SCHIP1: variants seen among roughly 807,000 people sequenced by gnomAD.
SCHIP1 encodes schwannomin interacting protein 1, also known as schwannomin-interacting protein 1.
Under a neutral mutation model 29.7 loss-of-function variants are expected in SCHIP1, and 8 were observed. The observed-to-expected ratio is 0.27, with a 90% CI of 0.16 to 0.49. The LOEUF is 0.49. Ranked by LOEUF, SCHIP1 falls within the 20% of genes least tolerant of loss-of-function variation. The pLI, the probability that SCHIP1 is intolerant of heterozygous loss-of-function variation, is 0.99. For synonymous variants in SCHIP1, 76 were observed against 94.9 expected, an observed-to-expected ratio of 0.80 and a Z score of 1.16; for missense variants, 193 against 294.6, an observed-to-expected ratio of 0.66 and a Z score of 2.52.
At chr3:159,609,731 C>T in the SCHIP1 span, among the ~76,000 whole-genome samples, 2 of 152,156 alleles carry the variant, frequency 1.3e-5, no homozygotes, top group African/African-American at 2.4e-5. Flanking sequence ...GAGCCCTGGA[C>T]GACTCGCCTC....
At chr3:159,292,180 G>T in the SCHIP1 span, among the ~76,000 whole-genome samples, 1 of 152,138 alleles carries the variant, frequency 6.6e-6, no homozygotes, top group South Asian at 2.1e-4. Context: ...AAAAATAGTT[G>T]AGAAGGAAGA....
the SCHIP1 span, among the ~76,000 whole-genome samples, chr3:159,654,106 T>G: frequency 2.0e-5 from 3 of 152,180 alleles, no homozygotes; most frequent in Non-Finnish European, 4.4e-5. Context: ...TACAAATAAT[T>G]AGGAAGATAT....
the SCHIP1 span, among the ~76,000 whole-genome samples, chr3:159,369,803 T>C: frequency 3.3e-5 from 5 of 152,158 alleles, no homozygotes; most frequent in African/African-American, 1.2e-4. Context: ...GTTGAGGTTA[T>C]CTAGTTAAAA....
At chr3:159,465,485 G>A in the SCHIP1 span, among the ~76,000 whole-genome samples, 2 of 151,964 alleles carry the variant, frequency 1.3e-5, no homozygotes, top group African/African-American at 4.8e-5. Context: ...GATAATATGT[G>A]GCTATGTGGT....
At chr3:159,303,616 C>T in the SCHIP1 span, among the ~76,000 whole-genome samples, 1,120 of 151,940 alleles carry the variant, frequency 7.4e-3, 13 homozygotes, top group African/African-American at 0.026. Flanking sequence ...ACCTACTGAG[C>T]GGTGGATTGA....
At chr3:159,896,679 ATC>A (rs1560101302) in intron 6 of SCHIP1, 42 bp from the exon 8 acceptor site, 1 of 1,524,162 alleles carries the variant, frequency 6.6e-7, no homozygotes, top group Non-Finnish European at 8.8e-7. Context: ...AGCAGTTTGG[ATC>A]TCTCTACATG....
At chr3:159,524,668 G>A in the SCHIP1 span, among the ~76,000 whole-genome samples, 185 of 152,282 alleles carry the variant, frequency 1.2e-3, no homozygotes, top group African/African-American at 4.2e-3. Context: ...TCCGAAACAC[G>A]TGATGTTAGG....
chr3:159,503,730 A>G, the SCHIP1 span, among the ~76,000 whole-genome samples: 4 of 152,336 alleles, frequency 2.6e-5, no homozygotes, highest in African/African-American at 9.6e-5. Context: ...TACCTTTTCA[A>G]CATTCAATTA....
the SCHIP1 span, chr3:159,274,950 A>G: frequency 1.0e-6 from 1 of 980,658 alleles, no homozygotes; most frequent in Non-Finnish European, 1.2e-6. Context: ...TCCAATTCAA[A>G]TATAATGGAT....
chr3:159,814,043 GA>G, the SCHIP1 span, among the ~76,000 whole-genome samples: 3 of 152,180 alleles, frequency 2.0e-5, no homozygotes. Context: ...TTCCAGGAGG[GA>G]AGGACTTCCT....
At chr3:159,306,148 G>A in the SCHIP1 span, among the ~76,000 whole-genome samples, 1 of 82,532 alleles carries the variant, frequency 1.2e-5, no homozygotes, top group South Asian at 3.2e-4. Flanking sequence ...ACCATCTGCA[G>A]TAACTTTTTT....
chr3:159,539,044 C>G, the SCHIP1 span, among the ~76,000 whole-genome samples: 2 of 152,004 alleles, frequency 1.3e-5, no homozygotes, highest in Non-Finnish European at 2.9e-5. Context: ...TCTATCCCTA[C>G]AAATGGCTAA....
chr3:159,642,886 A>C, the SCHIP1 span, among the ~76,000 whole-genome samples: 1 of 152,032 alleles, frequency 6.6e-6, no homozygotes, highest in African/African-American at 2.4e-5. Context: ...GAGAACAGAG[A>C]GATGGCTGCG....
chr3:159,376,857 G>GAGAA, the SCHIP1 span, among the ~76,000 whole-genome samples: 7 of 152,110 alleles, frequency 4.6e-5, no homozygotes, highest in South Asian at 1.5e-3. Flanking sequence ...AATACTCACT[G>GAGAA]AGAAAAGCAC....
At chr3:159,603,223 C>T in the SCHIP1 span, among the ~76,000 whole-genome samples, 3 of 152,216 alleles carry the variant, frequency 2.0e-5, no homozygotes, top group Non-Finnish European at 4.4e-5. Context: ...GGGGAAACGA[C>T]ACAGAGCTTC....
At chr3:159,395,521 C>T in the SCHIP1 span, among the ~76,000 whole-genome samples, 1 of 151,360 alleles carries the variant, frequency 6.6e-6, no homozygotes, top group African/African-American at 2.4e-5. Context: ...TATGTTGTGT[C>T]TTTGTTCTCG....
At chr3:159,395,126 T>C in the SCHIP1 span, among the ~76,000 whole-genome samples, 1 of 152,252 alleles carries the variant, frequency 6.6e-6, no homozygotes, top group East Asian at 1.9e-4. Flanking sequence ...TGTAGTATTC[T>C]CTGATGGTAG....
At chr3:159,650,843 A>C in the SCHIP1 span, among the ~76,000 whole-genome samples, 1 of 152,166 alleles carries the variant, frequency 6.6e-6, no homozygotes, top group African/African-American at 2.4e-5. Flanking sequence ...TGAAAAATTT[A>C]TGGGAAACAT....
the SCHIP1 span, among the ~76,000 whole-genome samples, chr3:159,588,710 G>A: frequency 6.6e-6 from 1 of 152,110 alleles, no homozygotes; most frequent in Non-Finnish European, 1.5e-5. Flanking sequence ...AGCACCATTT[G>A]TTGAATAGGG....
Sources: allele counts gnomAD v4.1 joint callset (sites outside exome capture counted in the v4.1 genomes callset), GRCh38; gene constraint gnomAD v4.1.1; transcripts MANE v1.5; gene names NCBI Gene and HGNC (gene_info 2026-07-23, HGNC 2026-07-21).